LRBA: variants seen among roughly 807,000 people sequenced by gnomAD.
LRBA encodes the protein lipopolysaccharide-responsive and beige-like anchor protein.
A neutral mutation model predicts 330.0 loss-of-function variants in LRBA; 176 were observed. The ratio of observed to expected loss-of-function variants is 0.53; its 90% confidence interval spans 0.47 to 0.60. The LOEUF is 0.60. LRBA is among the 20% of genes least tolerant of loss of function. LRBA has a pLI of 0.00. For synonymous variants in LRBA, 1,230 were observed against 1,193.0 expected (o/e 1.03, Z -0.64); for missense variants, 3,259 against 3,444.8 (o/e 0.95, Z 1.35).
intron 17 of LRBA, among the ~76,000 whole-genome samples, chr4:150,885,244 T>C (rs1258174750): frequency 3.8e-5 from 5 of 132,162 alleles, no homozygotes; most frequent in South Asian, 2.4e-4. Context: ...TCTGAAGAAA[T>C]AGGGATAAAA....
At position 151,002,182 on chromosome 4, in the gene LRBA, GAAACATA is replaced by G. The variant is rs1165784325; in HGVS notation, c.216+12238_216+12244del. On this transcript the variant is annotated intron_variant, in intron 2 of 56. Transcript: ENST00000651943. The stretch of plus-strand genomic sequence containing the variant: ...GAAAGATATCAATGTAACGACAGAG[GAAACATA>G]AAACAGCAAAAAAAAAAAAAAAAAA... 3.3e-3 allele frequency among the ~76,000 whole-genome samples: 69 copies of G among 21,128 alleles called. 1 individual carries two copies. The highest frequency in any genetic ancestry group is 8.9e-4 in the Non-Finnish European group (8 of 8,944). The allele number at this position is 21,128 out of a possible 152,430, so 13.9% of individuals were successfully genotyped here.
chr4:151,011,819 T>A (rs1207387078), intron 2 of LRBA, among the ~76,000 whole-genome samples: 1 of 151,740 alleles, frequency 6.6e-6, no homozygotes, highest in Non-Finnish European at 1.5e-5. Flanking sequence ...GGACCACAGG[T>A]ATATGCCACC....
At chr4:150,762,281 T>C (rs1158825642) in intron 34 of LRBA, among the ~76,000 whole-genome samples, 2 of 151,914 alleles carry the variant, frequency 1.3e-5, no homozygotes, top group Admixed American at 6.6e-5. Flanking sequence ...ACCATAAAAA[T>C]TGATGACTAG....
In LRBA at chr4:150,648,158, CAAAA is replaced by C; in HGVS notation, c.5921+35389_5921+35392del. On this transcript the variant is annotated intron_variant, in intron 37 of 56. Coordinates refer to ENST00000651943, the MANE Select transcript of LRBA (RefSeq NM_001364905.1). ...TCAGAAGAGAAAGGAACACAAGTAG[CAAAA>C]AAAAAAAAAAAAAAACTAGAAAAGA... Among the ~76,000 whole-genome samples the C allele has an allele frequency of 6.1e-4, 11 of 18,118 alleles. 1 individual carries two copies. The highest frequency in any genetic ancestry group is 2.5e-3 in the East Asian group (1 of 394). 11.9% of individuals were successfully genotyped at this position (18,118 alleles called of 152,430 possible). A position where few individuals can be genotyped will look rare whatever the true frequency, so the allele number is the denominator to read the frequency against.
intron 47 of LRBA, among the ~76,000 whole-genome samples, chr4:150,381,772 T>A (rs969508603): frequency 6.6e-6 from 1 of 152,242 alleles, no homozygotes; most frequent in Non-Finnish European, 1.5e-5. Context: ...GTGCACCATT[T>A]TACATTCCCA....
intron 24 of LRBA, among the ~76,000 whole-genome samples, chr4:150,850,007 C>T (rs1750410482): frequency 6.6e-6 from 1 of 151,308 alleles, no homozygotes; most frequent in South Asian, 2.1e-4. Context: ...ACTTTAAAAT[C>T]ATAAATCATA....
chr4:150,276,535 A>C (rs890370119), intron 56 of LRBA, among the ~76,000 whole-genome samples: 1 of 152,234 alleles, frequency 6.6e-6, no homozygotes, highest in Non-Finnish European at 1.5e-5. Context: ...TCCAACTGAC[A>C]AAGGGCTAAT....
chr4:150,503,440 C>A (rs1760580645), intron 40 of LRBA, among the ~76,000 whole-genome samples: 1 of 152,196 alleles, frequency 6.6e-6, no homozygotes, highest in Non-Finnish European at 1.5e-5. Context: ...CCCACGCAAA[C>A]AGGGTCTGGA....
At chr4:150,737,592 C>A (rs1298211275) in intron 35 of LRBA, among the ~76,000 whole-genome samples, 1 of 151,910 alleles carries the variant, frequency 6.6e-6, no homozygotes, top group Non-Finnish European at 1.5e-5. Context: ...CAGTAAGTAT[C>A]CTTCAATAAT....
At chr4:150,923,998 G>A (rs1160036760) in intron 4 of LRBA, among the ~76,000 whole-genome samples, 1 of 152,160 alleles carries the variant, frequency 6.6e-6, no homozygotes, top group African/African-American at 2.4e-5. Context: ...TACAATCACA[G>A]TGATTTTTTA....
chr4:150,598,968 T>C (rs1187288620), intron 38 of LRBA, 39 bp downstream of exon 38: 11 of 1,612,318 alleles, frequency 6.8e-6, no homozygotes, highest in Non-Finnish European at 8.5e-6. Flanking sequence ...CCAAGTCCTG[T>C]ACCTGCTGCT....
intron 2 of LRBA, among the ~76,000 whole-genome samples, chr4:150,956,231 C>T (rs915287640): frequency 1.3e-5 from 2 of 148,736 alleles, no homozygotes; most frequent in Non-Finnish European, 2.9e-5. Flanking sequence ...TATAAAGACA[C>T]ACTATGAACA....
intron 2 of LRBA, among the ~76,000 whole-genome samples, chr4:150,986,220 T>C (rs930615197): frequency 6.6e-6 from 1 of 152,180 alleles, no homozygotes; most frequent in African/African-American, 2.4e-5. Context: ...CAAAAGACAA[T>C]TTTTCCACAG....
At chr4:150,952,483 T>C (rs1034705025) in intron 2 of LRBA, among the ~76,000 whole-genome samples, 1 of 152,150 alleles carries the variant, frequency 6.6e-6, no homozygotes, top group African/African-American at 2.4e-5. Flanking sequence ...AATGAGCATA[T>C]ACTGCTTTAA....
chr4:150,949,598 T>A (rs1736608446), intron 2 of LRBA, among the ~76,000 whole-genome samples: 1 of 152,110 alleles, frequency 6.6e-6, no homozygotes. Flanking sequence ...TCAGCAATTA[T>A]CTCAAAATAG....
chr4:150,572,295 T>C (rs1229768896), intron 40 of LRBA, among the ~76,000 whole-genome samples: 1 of 152,128 alleles, frequency 6.6e-6, no homozygotes, highest in Non-Finnish European at 1.5e-5. Context: ...GGTTTGTTTT[T>C]TCTTTTTTTC....
At chr4:150,517,214 T>C (rs1387821431) in intron 40 of LRBA, among the ~76,000 whole-genome samples, 2 of 152,120 alleles carry the variant, frequency 1.3e-5, no homozygotes, top group East Asian at 3.9e-4. Flanking sequence ...GATTACGTAC[T>C]AGGTTGCAAA....
intron 56 of LRBA, among the ~76,000 whole-genome samples, chr4:150,274,601 G>A (rs1746520730): frequency 1.3e-5 from 2 of 152,112 alleles, no homozygotes; most frequent in Admixed American, 1.3e-4. Flanking sequence ...AATAAAAAAT[G>A]ATAAAGGGGT....
chr4:150,436,985 T>C, intron 44 of LRBA, 121 bp from the exon 45 acceptor site: 1 of 859,954 alleles, frequency 1.2e-6, no homozygotes, highest in Non-Finnish European at 1.8e-6. Flanking sequence ...ATATACTACT[T>C]AAGCTGCAAC....
Sources: gnomAD v4.1 joint callset for allele counts (sites outside exome capture counted in the v4.1 genomes callset) on GRCh38, gnomAD v4.1.1 for gene constraint, MANE v1.5 for transcripts, NCBI Gene and HGNC (gene_info 2026-07-23, HGNC 2026-07-21) for gene names.